The following RAPGEF5 variants were observed in gnomAD, a reference collection of about 807,000 sequenced individuals.
The protein encoded by RAPGEF5 is M-Ras-regulated GEF.
RAPGEF5 carries 65 observed loss-of-function variants against 125.2 expected under a neutral mutation model. That is an observed-to-expected ratio of 0.52 (90% CI 0.43 to 0.64). The LOEUF is 0.64. Ranked by LOEUF, RAPGEF5 falls within the 30% of genes least tolerant of loss-of-function variation. The pLI is 0.00. For missense variants in RAPGEF5, 958 were observed against 1,048.1 expected, an observed-to-expected ratio of 0.91 and a Z score of 1.19; for synonymous variants, 391 against 385.9, an observed-to-expected ratio of 1.01 and a Z score of -0.16.
rs1782587041 is a variant in RAPGEF5, at chr7:22,121,682, AT to A, written c.*723del. 6.6e-6 allele frequency: 1 copy of A among 152,340 alleles called. No individual in the cohort carries two copies. Among genetic ancestry groups the A allele is most frequent in the Non-Finnish European group, 1.5e-5 (1 of 68,028 alleles). 9.4% of individuals were successfully genotyped at this position (152,340 alleles called of 1,614,324 possible). A position where few individuals can be genotyped will look rare whatever the true frequency, so the allele number is the denominator to read the frequency against. On this transcript the variant is annotated 3_prime_UTR_variant, in exon 26 of 26. Coordinates refer to ENST00000665637, the MANE Select transcript of RAPGEF5 (RefSeq NM_012294.5). ...ATGAGTCAATTTCTTAAAGATTACT[AT>A]TTTTCCTTACTGGCAAAGCAACTTC... is the stretch of plus-strand genomic sequence containing the variant.
intron 6 of RAPGEF5, among the ~76,000 whole-genome samples, chr7:22,286,950 T>A (rs1164691469): frequency 1.3e-5 from 2 of 152,218 alleles, no homozygotes; most frequent in African/African-American, 4.8e-5. Context: ...AACAGAGACT[T>A]GCAGTCGATG....
In RAPGEF5 at chr7:22,145,021, C is replaced by T. The variant is rs148454590; in HGVS notation, c.2186+23G>A. 356 of 1,606,230 alleles carry T rather than the reference C, an allele frequency of 2.2e-4. 1 individual carries two copies. In the African/African-American group the frequency reaches 4.2e-3, roughly 19 times the overall value. ...TCTCTCAAGAAGACTAGAGGAATGG[C>T]ACTTCTCACACTAGAAACTTACTGA... On this transcript the variant is annotated intron_variant, in intron 20 of 25. Coordinates refer to ENST00000665637, the MANE Select transcript of RAPGEF5 (RefSeq NM_012294.5).
At chr7:22,128,073 A>G (rs1782803576) in intron 24 of RAPGEF5, among the ~76,000 whole-genome samples, 1 of 152,134 alleles carries the variant, frequency 6.6e-6, no homozygotes, top group Admixed American at 6.5e-5. Context: ...TTTCTATCAT[A>G]TGCCATTTGC....
intron 5 of RAPGEF5, among the ~76,000 whole-genome samples, chr7:22,305,711 A>G (rs187073183): frequency 9.1e-4 from 138 of 152,230 alleles, no homozygotes; most frequent in South Asian, 4.6e-3. Context: ...CTAGTCCCCA[A>G]TTACCCTTCC....
At chr7:22,227,303 T>C (rs939192686) in intron 8 of RAPGEF5, among the ~76,000 whole-genome samples, 1 of 152,148 alleles carries the variant, frequency 6.6e-6, no homozygotes, top group African/African-American at 2.4e-5. Flanking sequence ...GATAATCAAT[T>C]TTCTTTGACA....
At chr7:22,330,097 G>A (rs538092923) in intron 1 of RAPGEF5, among the ~76,000 whole-genome samples, 1 of 152,262 alleles carries the variant, frequency 6.6e-6, no homozygotes, top group Non-Finnish European at 1.5e-5. Flanking sequence ...CCCTATAAAG[G>A]AAAGACAAAG....
rs1365795770 is a variant in RAPGEF5 at position 22,315,583 on chromosome 7, A to G, written c.283-107T>C. 6 of 656,178 alleles carry G rather than the reference A, an allele frequency of 9.1e-6. No homozygotes were observed. The South Asian group carries it at 3.5e-4, about 38-fold the overall frequency. 40.6% of individuals were successfully genotyped at this position (656,178 alleles called of 1,614,324 possible). On this transcript the variant is annotated intron_variant, in intron 2 of 25. Coordinates refer to ENST00000665637, the MANE Select transcript of RAPGEF5 (RefSeq NM_012294.5). ...TATATATATATTTATATATATTCAT[A>G]TATTTATATATAAAATCATAACCAA...
chr7:22,244,049 TTC>T (rs547113066), intron 7 of RAPGEF5, among the ~76,000 whole-genome samples: 230 of 152,316 alleles, frequency 1.5e-3, no homozygotes, highest in Non-Finnish European at 2.7e-3. Context: ...CATGTAGTAT[TTC>T]TCTTTCTGTG....
At chr7:22,157,803 C>T in intron 15 of RAPGEF5, 52 bp downstream of exon 15, 1 of 1,560,346 alleles carries the variant, frequency 6.4e-7, no homozygotes. Context: ...GGAGGCAAGG[C>T]AAGGTCTCCA....
At chr7:22,250,039 C>T (rs1426074403) in intron 7 of RAPGEF5, among the ~76,000 whole-genome samples, 1 of 152,110 alleles carries the variant, frequency 6.6e-6, no homozygotes, top group Non-Finnish European at 1.5e-5. Context: ...AGAAAGGGAC[C>T]TAGGATTATT....
chr7:22,234,694 T>C (rs1786142684), intron 7 of RAPGEF5, among the ~76,000 whole-genome samples: 1 of 152,150 alleles, frequency 6.6e-6, no homozygotes, highest in Non-Finnish European at 1.5e-5. Flanking sequence ...CCAAGAGGGA[T>C]TCAAGGTGAA....
At chr7:22,342,805 G>T (rs546444295) in intron 1 of RAPGEF5, among the ~76,000 whole-genome samples, 1 of 152,138 alleles carries the variant, frequency 6.6e-6, no homozygotes, top group African/African-American at 2.4e-5. Flanking sequence ...CCTAAGCCTG[G>T]ACTTTATTGT....
intron 24 of RAPGEF5, among the ~76,000 whole-genome samples, chr7:22,130,698 G>A (rs1226332250): frequency 6.6e-6 from 1 of 152,168 alleles, no homozygotes; most frequent in African/African-American, 2.4e-5. Context: ...TCTCCTGAGT[G>A]TGGATTCCTC....
chr7:22,194,293 G>A (rs1785094929), intron 9 of RAPGEF5, among the ~76,000 whole-genome samples: 1 of 152,084 alleles, frequency 6.6e-6, no homozygotes, highest in Admixed American at 6.5e-5. Context: ...AAGTGGAGGT[G>A]GAATTCAGAG....
intron 2 of RAPGEF5, among the ~76,000 whole-genome samples, chr7:22,317,201 TCA>T (rs1316071901): frequency 6.6e-6 from 1 of 151,592 alleles, no homozygotes; most frequent in East Asian, 1.9e-4. Context: ...CTCACAAAGC[TCA>T]CAGTCTCCTG....
chr7:22,232,920 C>T (rs1786095147), intron 7 of RAPGEF5, among the ~76,000 whole-genome samples: 1 of 152,170 alleles, frequency 6.6e-6, no homozygotes, highest in African/African-American at 2.4e-5. Flanking sequence ...ACTAGGATAA[C>T]TCTGACCAGC....
At chr7:22,261,754 C>T (rs1010122484) in intron 7 of RAPGEF5, among the ~76,000 whole-genome samples, 1 of 152,038 alleles carries the variant, frequency 6.6e-6, no homozygotes. Flanking sequence ...CTCAGAAATA[C>T]TCCCATACAA....
chr7:22,158,367 C>A (rs540746860), intron 14 of RAPGEF5, among the ~76,000 whole-genome samples: 1 of 152,326 alleles, frequency 6.6e-6, no homozygotes, highest in South Asian at 2.1e-4. Context: ...CTGCCCATCT[C>A]TGATCATCTC....
chr7:22,316,973 A>G (rs1369883397), intron 2 of RAPGEF5, among the ~76,000 whole-genome samples: 1 of 150,690 alleles, frequency 6.6e-6, no homozygotes, highest in East Asian at 1.9e-4. Context: ...TGTTAAAACT[A>G]TTTAAAAAAA....
Sources: allele counts gnomAD v4.1 joint callset (sites outside exome capture counted in the v4.1 genomes callset), GRCh38; gene constraint gnomAD v4.1.1; transcripts MANE v1.5; gene names NCBI Gene and HGNC (gene_info 2026-07-23, HGNC 2026-07-21).